The following SPOCK1 variants were observed in gnomAD, a reference collection of about 807,000 sequenced individuals.
SPOCK1 encodes the protein SPARC (osteonectin), cwcv and kazal like domains proteoglycan 1, also known as testican-1.
In SPOCK1, 23 loss-of-function variants were observed where a neutral mutation model predicts 55.3. The ratio of observed to expected loss-of-function variants is 0.42; its 90% confidence interval spans 0.30 to 0.59. The LOEUF is 0.59. Among genes scored for constraint, SPOCK1 ranks in the 20% least tolerant of loss-of-function variants. SPOCK1 has a pLI of 0.22. For synonymous variants in SPOCK1, 226 were observed against 221.0 expected (o/e 1.02, Z -0.20); for missense variants, 499 against 552.5 (o/e 0.90, Z 0.97).
chr5:137,079,902 C>T (rs944799420), intron 5 of SPOCK1, among the ~76,000 whole-genome samples: 4 of 151,650 alleles, frequency 2.6e-5, no homozygotes, highest in Admixed American at 6.6e-5. Flanking sequence ...AACAACACAC[C>T]GTCCCATGCC....
chr5:137,231,051 T>A (rs1370526179), intron 3 of SPOCK1, among the ~76,000 whole-genome samples: 1 of 150,698 alleles, frequency 6.6e-6, no homozygotes, highest in African/African-American at 2.4e-5. Flanking sequence ...TTACCCCCTT[T>A]TTTTTTTTTG....
rs141558675 is a variant in SPOCK1 at position 137,402,096 on chromosome 5, C to A, written c.186+96277G>T. ...CAACAAGGAGCCCCATCTGTTCATG[C>A]AGATTTCACCTTCAGGCCAGCACCA... On this transcript the variant is annotated intron_variant, in intron 2 of 10. Coordinates refer to ENST00000394945, the MANE Select transcript of SPOCK1 (RefSeq NM_004598.4). Among the ~76,000 whole-genome samples, 53 of 152,318 alleles carry A rather than the reference C, an allele frequency of 3.5e-4. 1 individual carries two copies. The East Asian group carries it at 0.01, about 29-fold the overall frequency.
chr5:137,312,838 T>G (rs1182423260), intron 2 of SPOCK1, among the ~76,000 whole-genome samples: 1 of 152,222 alleles, frequency 6.6e-6, no homozygotes, highest in African/African-American at 2.4e-5. Flanking sequence ...ATTGTCCACT[T>G]GCAGGAGATT....
chr5:137,013,514 T>A (rs1160517487), intron 6 of SPOCK1, among the ~76,000 whole-genome samples: 2 of 152,204 alleles, frequency 1.3e-5, no homozygotes, highest in Non-Finnish European at 2.9e-5. Flanking sequence ...CAGTATATAA[T>A]TGGTATCTTG....
At chr5:137,306,141 G>A (rs2127139783) in intron 2 of SPOCK1, among the ~76,000 whole-genome samples, 1 of 152,312 alleles carries the variant, frequency 6.6e-6, no homozygotes, top group East Asian at 1.9e-4. Flanking sequence ...GAAGTCATGT[G>A]ACAAGAGGAA....
chr5:136,991,921 C>T (rs1261618320), intron 7 of SPOCK1, among the ~76,000 whole-genome samples: 1 of 152,162 alleles, frequency 6.6e-6, no homozygotes, highest in Non-Finnish European at 1.5e-5. Flanking sequence ...GGAGAGGGGA[C>T]ACCTGTCTGG....
chr5:137,294,746 G>A (rs1757445628), intron 2 of SPOCK1, among the ~76,000 whole-genome samples: 1 of 152,122 alleles, frequency 6.6e-6, no homozygotes, highest in African/African-American at 2.4e-5. Context: ...GGTTCACTCT[G>A]CTCCAGTCAC....
At chr5:137,013,034 A>G (rs1276969067) in intron 6 of SPOCK1, among the ~76,000 whole-genome samples, 1 of 152,178 alleles carries the variant, frequency 6.6e-6, no homozygotes, top group Non-Finnish European at 1.5e-5. Flanking sequence ...AATAATGTGG[A>G]TGTGTGGAGT....
At chr5:137,140,066 G>A (rs1229270986) in intron 4 of SPOCK1, among the ~76,000 whole-genome samples, 2 of 152,206 alleles carry the variant, frequency 1.3e-5, no homozygotes, top group Non-Finnish European at 2.9e-5. Context: ...CATGTTCCCA[G>A]AAGGAATGGT....
chr5:137,181,774 T>C (rs993227882), intron 3 of SPOCK1, among the ~76,000 whole-genome samples: 1 of 152,236 alleles, frequency 6.6e-6, no homozygotes, highest in African/African-American at 2.4e-5. Context: ...ACCAGTTCTC[T>C]GAGCTGAGGA....
intron 5 of SPOCK1, among the ~76,000 whole-genome samples, chr5:137,109,517 C>T (rs547056723): frequency 1.2e-4 from 19 of 152,284 alleles, no homozygotes; most frequent in Middle Eastern, 6.8e-3. Context: ...CCACTATAAA[C>T]GGTCTCTGCC....
chr5:137,472,207 A>C (rs191845749), intron 2 of SPOCK1, among the ~76,000 whole-genome samples: 42 of 152,238 alleles, frequency 2.8e-4, no homozygotes, highest in Middle Eastern at 3.4e-3. Context: ...ACACTTGATG[A>C]GGGCTTTAGT....
intron 4 of SPOCK1, among the ~76,000 whole-genome samples, chr5:137,125,860 T>C (rs534616412): frequency 6.6e-6 from 1 of 152,266 alleles, no homozygotes; most frequent in South Asian, 2.1e-4. Flanking sequence ...GGCAAGAGCC[T>C]AGATTGTCAT....
intron 2 of SPOCK1, among the ~76,000 whole-genome samples, chr5:137,398,114 C>T (rs924047899): frequency 4.6e-5 from 7 of 152,050 alleles, no homozygotes; most frequent in Admixed American, 6.5e-5. Context: ...ACCACCGACA[C>T]CTGAGCCCAT....
intron 3 of SPOCK1, among the ~76,000 whole-genome samples, chr5:137,227,402 G>T (rs1448736443): frequency 6.6e-6 from 1 of 152,210 alleles, no homozygotes; most frequent in African/African-American, 2.4e-5. Context: ...TTACAAAAAA[G>T]AAATTTGAAA....
At chr5:137,292,426 TAAAAAAAAAAAAAAAAAAAAAAAA>T (rs753574851) in intron 2 of SPOCK1, among the ~76,000 whole-genome samples, 799 of 38,020 alleles carry the variant, frequency 0.021, 30 homozygotes, top group African/African-American at 0.061. Context: ...CTGGTGTAGT[TAAAAAAAAAAAAAAAAAAAAAAAA>T]AAAAAAAAAA....
intron 2 of SPOCK1, among the ~76,000 whole-genome samples, chr5:137,352,470 T>G (rs1750701784): frequency 6.6e-6 from 1 of 152,334 alleles, no homozygotes; most frequent in Admixed American, 6.5e-5. Flanking sequence ...GCTAAAGAAT[T>G]TTCTATCTTT....
intron 2 of SPOCK1, among the ~76,000 whole-genome samples, chr5:137,298,808 CAA>C (rs1757536772): frequency 1.3e-5 from 2 of 152,092 alleles, no homozygotes; most frequent in African/African-American, 4.8e-5. Context: ...TATTGTCACT[CAA>C]GTTTTCTTAT....
chr5:137,185,524 G>A (rs527438082), intron 3 of SPOCK1, among the ~76,000 whole-genome samples: 10 of 152,320 alleles, frequency 6.6e-5, no homozygotes, highest in South Asian at 4.1e-4. Context: ...AGAAACGGAC[G>A]AATTAGCTAC....
Sources: gnomAD v4.1 joint callset for allele counts (sites outside exome capture counted in the v4.1 genomes callset) on GRCh38, gnomAD v4.1.1 for gene constraint, MANE v1.5 for transcripts, NCBI Gene and HGNC (gene_info 2026-07-23, HGNC 2026-07-21) for gene names.